The following MRPS2 variants were observed in gnomAD, a reference collection of about 807,000 sequenced individuals.
MRPS2 encodes mitochondrial ribosomal protein S2, also known as small ribosomal subunit protein uS2m.
Under a neutral mutation model 18.9 loss-of-function variants are expected in MRPS2, and 13 were observed. That is an observed-to-expected ratio of 0.69 (90% CI 0.45 to 1.09). MRPS2 has a LOEUF of 1.09. Ranked by LOEUF, MRPS2 falls within the 50% of genes least tolerant of loss-of-function variation. MRPS2 has a pLI of 0.00. For missense variants in MRPS2, 389 were observed against 421.7 expected (o/e 0.92, Z 0.68); for synonymous variants, 186 against 178.4 (o/e 1.04, Z -0.34).
chr9:135,501,665 CCT>C, intron 2 of MRPS2, 177 bp from the exon 3 acceptor site: 2 of 1,420,310 alleles, frequency 1.4e-6, no homozygotes, highest in South Asian at 1.5e-5. Context: ...TGGCTCCAGC[CCT>C]CTGTTTCCTG....
At position 135,504,485 on chromosome 9, in the gene MRPS2, G is replaced by A. The variant is rs1188596768; in HGVS notation, c.*352G>A. 4 of 258,716 alleles carry A rather than the reference G, an allele frequency of 1.5e-5. No homozygotes were observed. Among genetic ancestry groups the A allele is most frequent in the Non-Finnish European group, 2.9e-5 (4 of 136,574 alleles). 16.0% of individuals were successfully genotyped at this position (258,716 alleles called of 1,614,324 possible). On this transcript the variant is annotated 3_prime_UTR_variant, in exon 4 of 4. Coordinates refer to ENST00000241600, the MANE Select transcript of MRPS2 (RefSeq NM_016034.5). The surrounding 1 kb of genome is among the most constrained non-coding windows in gnomAD (Gnocchi z 4.3). ...GACCCCTGACCTTTGTCAGGAAGGT[G>A]CAGTTTTTCTTCTCAATCTAAATGC...
intron 2 of MRPS2, 69 bp downstream of exon 2, chr9:135,501,192 C>T: frequency 2.0e-6 from 3 of 1,495,968 alleles, no homozygotes; most frequent in Admixed American, 2.1e-5. Flanking sequence ...GGATGCGAAC[C>T]CTAGAGGGGC....
upstream of MRPS2, chr9:135,500,142 G>A: frequency 6.8e-6 from 3 of 438,740 alleles, no homozygotes; most frequent in Non-Finnish European, 1.2e-5. Context: ...AGAAACCCCA[G>A]GGCCTGGGAC....
upstream of MRPS2, chr9:135,500,084 C>CG (rs1229968987): frequency 1.2e-5 from 6 of 517,392 alleles, no homozygotes; most frequent in Non-Finnish European, 2.0e-5. Context: ...CAGCCACCCG[C>CG]GGGGGGACCG....
chr9:135,504,142 C>T lies in MRPS2; in HGVS notation c.*9C>T, dbSNP rs752208311. The stretch of plus-strand genomic sequence containing the variant: ...TGAGCCATTCCCTGTGATGTTCACT[C>T]TCCTCCCAAAGCAAACCACAGCCAA... On this transcript the variant is annotated 3_prime_UTR_variant, in exon 4 of 4. Transcript: ENST00000241600. This position sits in a 1 kb window ranked among gnomAD's most constrained non-coding sequence, Gnocchi z 4.3. The T allele has an allele frequency of 6.3e-7, 1 of 1,577,510 alleles. No individual in the cohort carries two copies. The highest frequency in any genetic ancestry group is 8.6e-7 in the Non-Finnish European group (1 of 1,165,830).
intron 3 of MRPS2, chr9:135,502,218 A>G: frequency 7.5e-7 from 1 of 1,325,398 alleles, no homozygotes; most frequent in Non-Finnish European, 9.7e-7. Flanking sequence ...TGGGGGTTGC[A>G]GGACTCCACG....
Position 135,504,033 on chromosome 9 carries a change from G to C in MRPS2, c.791G>C (p.Arg264Pro). 1 of 1,613,338 alleles carries C rather than the reference G, an allele frequency of 6.2e-7. No homozygotes were observed. Among genetic ancestry groups the C allele is most frequent in the Non-Finnish European group, 8.5e-7 (1 of 1,180,032 alleles). ...QTAITRAKEK[R>P]QQVEALYRLQ... is the part of the protein sequence containing the mutation. ...GCCATCACCCGGGCCAAGGAGAAGCGGCAGCAGGTTGAGGCTCTCTATCGC... is the reference window on the plus strand; with the variant it reads ...GCCATCACCCGGGCCAAGGAGAAGCCGCAGCAGGTTGAGGCTCTCTATCGC... The change falls in exon 4 of 4, where the codon CGG (arginine) becomes CCG (proline). Residue 264 changes from arginine to proline, a missense_variant. By Grantham distance (103) the Arg-to-Pro change is moderately radical. Coordinates refer to ENST00000241600, the MANE Select transcript of MRPS2 (RefSeq NM_016034.5). This position sits in a 1 kb window ranked among gnomAD's most constrained non-coding sequence, Gnocchi z 4.3.
Position 135,503,795 on chromosome 9 carries a change from CCCACGGTCCGCCTG to C in MRPS2, c.556_569del (p.Thr186GlyfsTer14). Reference sequence around the variant, plus strand: ...GACCAACGCGCGCCTCCTCTTTGGCCCCACGGTCCGCCTGCCGGACCTCATCATCTTCCTGCACA... The same window carrying C: ...GACCAACGCGCGCCTCCTCTTTGGCCCCGGACCTCATCATCTTCCTGCACA... On this transcript the variant is annotated frameshift_variant, in exon 4 of 4. Transcript: ENST00000241600. LOFTEE classifies it high-confidence loss of function. The C allele has an allele frequency of 6.2e-7, 1 of 1,613,050 alleles. No homozygotes were observed. The highest frequency in any genetic ancestry group is 8.5e-7 in the Non-Finnish European group (1 of 1,179,956).
Position 135,504,381 on chromosome 9 carries a change from A to C in MRPS2, c.*248A>C. The C allele has an allele frequency of 1.8e-6, 1 of 544,964 alleles. No individual in the cohort carries two copies. The highest frequency in any genetic ancestry group is 3.2e-6 in the Non-Finnish European group (1 of 308,594). The allele number at this position is 544,964 out of a possible 1,614,324, so 33.8% of individuals were successfully genotyped here. ...GCAGAACGGCCCCTTGGCTGCAGTT[A>C]GGACCTCAGTGGCTGGTATGGCCAA... is the stretch of plus-strand genomic sequence containing the variant. On this transcript the variant is annotated 3_prime_UTR_variant, in exon 4 of 4. Coordinates refer to ENST00000241600, the MANE Select transcript of MRPS2 (RefSeq NM_016034.5). The surrounding 1 kb of genome is among the most constrained non-coding windows in gnomAD (Gnocchi z 4.3).
chr9:135,504,230 A>G lies in MRPS2; in HGVS notation c.*97A>G. ...GTCAGCGGCATCCTCAGTCGTTGTT[A>G]CTTACTCAGCTGATGTCACAGTGCA... On this transcript the variant is annotated 3_prime_UTR_variant, in exon 4 of 4. Transcript: ENST00000241600. The surrounding 1 kb of genome is among the most constrained non-coding windows in gnomAD (Gnocchi z 4.3). 8.8e-7 allele frequency: 1 copy of G among 1,142,230 alleles called. No individual in the cohort carries two copies. The highest frequency in any genetic ancestry group is 1.2e-6 in the Non-Finnish European group (1 of 827,892). 70.8% of individuals were successfully genotyped at this position (1,142,230 alleles called of 1,614,324 possible).
rs1432785473 is a variant in MRPS2, at chr9:135,504,265, C to T, written c.*132C>T. The T allele has an allele frequency of 1.5e-5, 13 of 856,072 alleles. No homozygotes were observed. The highest frequency in any genetic ancestry group is 2.1e-5 in the Non-Finnish European group (12 of 569,822). 53.0% of individuals were successfully genotyped at this position (856,072 alleles called of 1,614,324 possible). On this transcript the variant is annotated 3_prime_UTR_variant, in exon 4 of 4. Coordinates refer to ENST00000241600, the MANE Select transcript of MRPS2 (RefSeq NM_016034.5). The surrounding 1 kb of genome is among the most constrained non-coding windows in gnomAD (Gnocchi z 4.3). ...CTGATGTCACAGTGCAGACATCCACCGTTCCACCACAGAACCAGTGGCTGA... is the reference window on the plus strand; with the variant it reads ...CTGATGTCACAGTGCAGACATCCACTGTTCCACCACAGAACCAGTGGCTGA...
intron 3 of MRPS2, chr9:135,503,033 C>T (rs1361876803): frequency 6.5e-6 from 6 of 923,654 alleles, no homozygotes; most frequent in South Asian, 5.0e-5. Context: ...TCCCATGCCC[C>T]GCTTTTCTCA....
intron 1 of MRPS2, 114 bp from the exon 2 acceptor site, chr9:135,500,883 CG>C: frequency 6.5e-7 from 1 of 1,542,836 alleles, no homozygotes; most frequent in Non-Finnish European, 8.8e-7. Context: ...GGGGAGGGCG[CG>C]GGGACGCGGA....
chr9:135,502,423 A>G (rs1461494400), intron 3 of MRPS2, among the ~76,000 whole-genome samples: 3 of 152,032 alleles, frequency 2.0e-5, no homozygotes, highest in Non-Finnish European at 2.9e-5. Context: ...GTTCAGGGTG[A>G]AGGTGGCGGG....
chr9:135,503,486 A>G, intron 3 of MRPS2, 56 bp from the exon 4 acceptor site: 5 of 1,536,412 alleles, frequency 3.3e-6, no homozygotes, highest in Non-Finnish European at 4.4e-6. Flanking sequence ...GCAAGGAGCC[A>G]GTGGAGATGG....
In MRPS2 at chr9:135,503,762, G is replaced by T; in HGVS notation, c.520G>T (p.Gly174Cys). ...CGCCCACACTCGCTACTTCAGGGGCGGCATGCTGACCAACGCGCGCCTCCT... is the reference window on the plus strand; with the variant it reads ...CGCCCACACTCGCTACTTCAGGGGCTGCATGCTGACCAACGCGCGCCTCCT... ...EYAHTRYFRG[G>C]MLTNARLLFG... The change falls in exon 4 of 4, where the codon GGC becomes TGC. Residue 174 changes from glycine to cysteine, a missense_variant. Transcript: ENST00000241600. 1 of 1,612,784 alleles carries T rather than the reference G, an allele frequency of 6.2e-7. No individual in the cohort carries two copies. Among genetic ancestry groups the T allele is most frequent in the Non-Finnish European group, 8.5e-7 (1 of 1,179,950 alleles).
At position 135,501,730 on chromosome 9, in the gene MRPS2, C is replaced by G. The variant is rs1206388241; in HGVS notation, c.170-114C>G. 15 of 1,526,500 alleles carry G rather than the reference C, an allele frequency of 9.8e-6. No homozygotes were observed. The African/African-American group carries it at 2.1e-4, about 21-fold the overall frequency. 94.6% of individuals were successfully genotyped at this position (1,526,500 alleles called of 1,614,324 possible). A position where few individuals can be genotyped will look rare whatever the true frequency, so the allele number is the denominator to read the frequency against. On this transcript the variant is annotated intron_variant, in intron 2 of 3. Coordinates refer to ENST00000241600, the MANE Select transcript of MRPS2 (RefSeq NM_016034.5). Reference sequence around the variant, plus strand: ...CCTGGGGCTGCTGGGCTCCCGGCTCCCCACCTCGGTGTCACAGAAGGCACT... The same window carrying G: ...CCTGGGGCTGCTGGGCTCCCGGCTCGCCACCTCGGTGTCACAGAAGGCACT...
At chr9:135,503,336 G>A (rs908200395) in intron 3 of MRPS2, 20 of 1,422,334 alleles carry the variant, frequency 1.4e-5, no homozygotes, top group Admixed American at 1.2e-4. Flanking sequence ...GTTAAGCCAC[G>A]AGACGAGGCA....
intron 1 of MRPS2, 98 bp downstream of exon 1, chr9:135,500,851 G>T: frequency 6.7e-7 from 1 of 1,502,714 alleles, no homozygotes; most frequent in South Asian, 1.3e-5. Context: ...GAGGGGACCC[G>T]GGGCGAGCGC....
Sources: allele counts gnomAD v4.1 joint callset (sites outside exome capture counted in the v4.1 genomes callset), GRCh38; gene constraint gnomAD v4.1.1; non-coding constraint Gnocchi (gnomAD v3.1); transcripts MANE v1.5; gene names NCBI Gene and HGNC (gene_info 2026-07-23, HGNC 2026-07-21).